TIGAR: variants seen among roughly 807,000 people sequenced by gnomAD.
TIGAR encodes fructose-2,6-bisphosphatase TIGAR.
Under a neutral mutation model 17.9 loss-of-function variants are expected in TIGAR, and 7 were observed. The observed-to-expected ratio is 0.39, with a 90% CI of 0.22 to 0.73. The LOEUF (loss-of-function observed/expected upper bound fraction) is 0.73, where lower values mean the gene tolerates loss of function less well. Among genes scored for constraint, TIGAR ranks in the 30% least tolerant of loss-of-function variants. The pLI, the probability that TIGAR is intolerant of heterozygous loss-of-function variation, is 0.42. For synonymous variants in TIGAR, 94 were observed against 108.6 expected (o/e 0.87, Z 0.84); for missense variants, 258 against 327.4 (o/e 0.79, Z 1.64).
intron 1 of TIGAR, chr12:4,324,368 G>T: frequency 4.2e-6 from 4 of 947,086 alleles, no homozygotes; most frequent in East Asian, 2.4e-5. Context: ...TATTAGCTGA[G>T]CCACTACTTG....
intron 2 of TIGAR, among the ~76,000 whole-genome samples, chr12:4,333,479 ATTTAT>A (rs1864625201): frequency 6.8e-6 from 1 of 146,104 alleles, no homozygotes; most frequent in South Asian, 2.2e-4. Flanking sequence ...TTATTTATTT[ATTTAT>A]TTTGAGACGG....
intron 3 of TIGAR, among the ~76,000 whole-genome samples, chr12:4,346,554 A>G (rs759259285): frequency 3.3e-5 from 5 of 152,064 alleles, no homozygotes; most frequent in African/African-American, 7.2e-5. Context: ...GAATTGAACA[A>G]TGAGAACACT....
Position 4,356,521 on chromosome 12 carries a change from C to G in TIGAR, c.*3830C>G, listed in dbSNP as rs1260658223. 1.3e-5 allele frequency among the ~76,000 whole-genome samples: 2 copies of G among 152,138 alleles called. No homozygotes were observed. Among genetic ancestry groups the G allele is most frequent in the Non-Finnish European group, 2.9e-5 (2 of 68,020 alleles). On this transcript the variant is annotated 3_prime_UTR_variant, in exon 6 of 6. Coordinates refer to ENST00000179259, the MANE Select transcript of TIGAR (RefSeq NM_020375.3). ...ACACACGCATTGCTTCTCCTACTAT[C>G]AACATCCCCCACCAGACCAGTGCAT...
In TIGAR at chr12:4,354,958, T is replaced by C. The variant is rs940865100; in HGVS notation, c.*2267T>C. Among the ~76,000 whole-genome samples, 3 of 151,854 alleles carry C rather than the reference T, an allele frequency of 2.0e-5. No individual in the cohort carries two copies. The highest frequency in any genetic ancestry group is 2.0e-4 in the Admixed American group (3 of 15,262). On this transcript the variant is annotated 3_prime_UTR_variant, in exon 6 of 6. Coordinates refer to ENST00000179259, the MANE Select transcript of TIGAR (RefSeq NM_020375.3). ...GTTGGCCAGGCTGGTCTTGAACTTCTGACCTCAGGTGATCCACCTGCCTTG... is the reference window on the plus strand; with the variant it reads ...GTTGGCCAGGCTGGTCTTGAACTTCCGACCTCAGGTGATCCACCTGCCTTG...
chr12:4,321,946 T>C lies in TIGAR; in HGVS notation c.32+643T>C, dbSNP rs1160769324. Among the ~76,000 whole-genome samples the C allele has an allele frequency of 1.3e-5, 2 of 152,188 alleles. No homozygotes were observed. The highest frequency in any genetic ancestry group is 4.8e-5 in the African/African-American group (2 of 41,446). On this transcript the variant is annotated intron_variant, in intron 1 of 5. Coordinates refer to ENST00000179259, the MANE Select transcript of TIGAR (RefSeq NM_020375.3). This position sits in a 1 kb window ranked among gnomAD's most constrained non-coding sequence, Gnocchi z 5.2. ...GATAGGTCTTTATGTATTTGCCAAG[T>C]GTTAACGGGAGGTGAAAATCAGGGT... is the stretch of plus-strand genomic sequence containing the variant.
chr12:4,339,739 A>G (rs771922942), intron 3 of TIGAR, among the ~76,000 whole-genome samples: 78 of 152,382 alleles, frequency 5.1e-4, no homozygotes, highest in Non-Finnish European at 4.4e-5. Context: ...AGGATGTTTC[A>G]ACATAAACAA....
intron 1 of TIGAR, among the ~76,000 whole-genome samples, chr12:4,330,067 G>A (rs1864587945): frequency 6.6e-6 from 1 of 152,096 alleles, no homozygotes; most frequent in South Asian, 2.1e-4. Flanking sequence ...CTGTATCTTG[G>A]CAGAGGTTGG....
chr12:4,332,540 G>A (rs1018928004), intron 2 of TIGAR, among the ~76,000 whole-genome samples: 6 of 152,152 alleles, frequency 3.9e-5, no homozygotes, highest in African/African-American at 7.2e-5. Flanking sequence ...CGCCGCACGC[G>A]GCCTCAAGGC....
rs1864937400 is a variant in TIGAR at position 4,358,491 on chromosome 12, C to G, written c.*5800C>G. 6.6e-6 allele frequency among the ~76,000 whole-genome samples: 1 copy of G among 152,178 alleles called. No individual in the cohort carries two copies. Among genetic ancestry groups the G allele is most frequent in the Admixed American group, 6.5e-5 (1 of 15,278 alleles). On this transcript the variant is annotated 3_prime_UTR_variant, in exon 6 of 6. Coordinates refer to ENST00000179259, the MANE Select transcript of TIGAR (RefSeq NM_020375.3). Reference sequence around the variant, plus strand: ...ACTTGCTTACCTGTTGTCCCACTTGCTTTGCCATTTTTTCTCTCTCCCTCT... The same window carrying G: ...ACTTGCTTACCTGTTGTCCCACTTGGTTTGCCATTTTTTCTCTCTCCCTCT...
chr12:4,336,899 C>T, intron 2 of TIGAR, 140 bp from the exon 3 acceptor site: 3 of 1,009,582 alleles, frequency 3.0e-6, no homozygotes, highest in Non-Finnish European at 4.0e-6. Context: ...TAATAACTCC[C>T]TGAAAAGTTA....
rs1007319267 is a variant in TIGAR at position 4,344,493 on chromosome 12, C to G, written c.193-5326C>G. On this transcript the variant is annotated intron_variant, in intron 3 of 5. Coordinates refer to ENST00000179259, the MANE Select transcript of TIGAR (RefSeq NM_020375.3). The stretch of plus-strand genomic sequence containing the variant: ...AATCCTCAATAAAATACTGGCAAAC[C>G]GAATCCAGCAGCGCAACAAAAAGCT... Among the ~76,000 whole-genome samples, 5 of 152,208 alleles carry G rather than the reference C, an allele frequency of 3.3e-5. No homozygotes were observed. The South Asian group carries it at 1.0e-3, about 32-fold the overall frequency.
chr12:4,342,287 A>G (rs1478105839), intron 3 of TIGAR, among the ~76,000 whole-genome samples: 1 of 152,220 alleles, frequency 6.6e-6, no homozygotes, highest in African/African-American at 2.4e-5. Context: ...GACAGGGAGA[A>G]TGGAACCAAG....
Position 4,355,287 on chromosome 12 carries a change from C to T in TIGAR, c.*2596C>T, listed in dbSNP as rs1162522085. Among the ~76,000 whole-genome samples the T allele has an allele frequency of 6.6e-6, 1 of 151,930 alleles. No individual in the cohort carries two copies. The highest frequency in any genetic ancestry group is 1.5e-5 in the Non-Finnish European group (1 of 67,986). Reference sequence around the variant, plus strand: ...AGTTATCCCAACACCATTGTAAAGGCTGTTCTTTCCCAATTGGTTTGTGGT... The same window carrying T: ...AGTTATCCCAACACCATTGTAAAGGTTGTTCTTTCCCAATTGGTTTGTGGT... On this transcript the variant is annotated 3_prime_UTR_variant, in exon 6 of 6. Coordinates refer to ENST00000179259, the MANE Select transcript of TIGAR (RefSeq NM_020375.3).
At chr12:4,336,275 C>A (rs2884524) in intron 2 of TIGAR, among the ~76,000 whole-genome samples, 5 of 152,104 alleles carry the variant, frequency 3.3e-5, no homozygotes, top group Non-Finnish European at 5.9e-5. Flanking sequence ...TTAGTCCTCC[C>A]GCTTGCCGTC....
chr12:4,349,861 A>G lies in TIGAR; in HGVS notation c.235A>G (p.Met79Val), dbSNP rs143485348. 40 of 1,581,230 alleles carry G rather than the reference A, an allele frequency of 2.5e-5. No individual in the cohort carries two copies. In the African/African-American group the frequency reaches 5.1e-4, roughly 20 times the overall value. The change falls in exon 4 of 6, where the codon ATG becomes GTG. Residue 79 changes from methionine to valine, a missense_variant. Transcript: ENST00000179259. ...GGAGAGAAGCAAATTTTGCAAAGAT[A>G]TGACGGTAAAGTATGACTCAAGACT... The part of the protein sequence containing the change: ...ILERSKFCKD[M>V]TVKYDSRLRE...
At position 4,321,246 on chromosome 12, in the gene TIGAR, C is replaced by A. The variant is rs375480355; in HGVS notation, c.-26C>A. 3.0e-5 allele frequency: 48 copies of A among 1,600,132 alleles called. No individual in the cohort carries two copies. In the South Asian group the frequency reaches 4.7e-4, roughly 16 times the overall value. ...GTGCAGGGGCAGCGCGGCGCGGGGCCACCGACGGGACGCGGCTCCGGGAAC... is the reference window on the plus strand; with the variant it reads ...GTGCAGGGGCAGCGCGGCGCGGGGCAACCGACGGGACGCGGCTCCGGGAAC... On this transcript the variant is annotated 5_prime_UTR_variant, in exon 1 of 6. Coordinates refer to ENST00000179259, the MANE Select transcript of TIGAR (RefSeq NM_020375.3). This position sits in a 1 kb window ranked among gnomAD's most constrained non-coding sequence, Gnocchi z 5.2.
chr12:4,342,035 C>T (rs926532532), intron 3 of TIGAR, among the ~76,000 whole-genome samples: 1 of 152,100 alleles, frequency 6.6e-6, no homozygotes, highest in Non-Finnish European at 1.5e-5. Flanking sequence ...GCAGAGAAGT[C>T]CTTAAAGGAC....
At chr12:4,345,488 G>T (rs1471392998) in intron 3 of TIGAR, among the ~76,000 whole-genome samples, 3 of 152,286 alleles carry the variant, frequency 2.0e-5, no homozygotes, top group East Asian at 3.9e-4. Flanking sequence ...TGACAAACCT[G>T]ACAAAAACAA....
chr12:4,322,895 A>G (rs1042491419), intron 1 of TIGAR, among the ~76,000 whole-genome samples: 2 of 152,118 alleles, frequency 1.3e-5, no homozygotes. Context: ...AACAGGAACT[A>G]GAGGCCTGAT....
Sources: allele counts gnomAD v4.1 joint callset (sites outside exome capture counted in the v4.1 genomes callset), GRCh38; gene constraint gnomAD v4.1.1; non-coding constraint Gnocchi (gnomAD v3.1); transcripts MANE v1.5; gene names NCBI Gene and HGNC (gene_info 2026-07-23, HGNC 2026-07-21).